The following RAB28 variants were observed in gnomAD, a reference collection of about 807,000 sequenced individuals.
RAB28 encodes RAB28, member RAS oncogene family, also known as ras-related protein Rab-28.
A neutral mutation model predicts 31.7 loss-of-function variants in RAB28; 24 were observed. That is an observed-to-expected ratio of 0.76 (90% confidence interval 0.55 to 1.06). The LOEUF (loss-of-function observed/expected upper bound fraction) is 1.06. Ranked by LOEUF, RAB28 falls within the 50% of genes least tolerant of loss-of-function variation. RAB28 has a pLI of 0.00. For missense variants in RAB28, 254 were observed against 258.5 expected (o/e 0.98, Z 0.12); for synonymous variants, 100 against 90.4 (o/e 1.11, Z -0.60).
At chr4:13,406,656 A>T (rs1712109086) in intron 4 of RAB28, among the ~76,000 whole-genome samples, 2 of 152,314 alleles carry the variant, frequency 1.3e-5, no homozygotes, top group African/African-American at 2.4e-5. Context: ...CATCCTCTCC[A>T]GCATCTGTTG....
intron 4 of RAB28, among the ~76,000 whole-genome samples, chr4:13,443,576 A>G (rs1391138235): frequency 6.6e-6 from 1 of 152,164 alleles, no homozygotes; most frequent in East Asian, 1.9e-4. Context: ...TAAAAATTGT[A>G]TATATTTACC....
At chr4:13,414,275 G>A (rs947519625) in intron 4 of RAB28, among the ~76,000 whole-genome samples, 1 of 152,084 alleles carries the variant, frequency 6.6e-6, no homozygotes, top group African/African-American at 2.4e-5. Flanking sequence ...AGGTTACCAC[G>A]GGAACAGAGC....
At chr4:13,478,191 C>T (rs529681302) in intron 2 of RAB28, among the ~76,000 whole-genome samples, 4 of 151,446 alleles carry the variant, frequency 2.6e-5, no homozygotes, top group Admixed American at 6.6e-5. Context: ...ATAGATTATC[C>T]GTAAGAGTGA....
chr4:13,374,673 T>C (rs190007311), intron 6 of RAB28, among the ~76,000 whole-genome samples: 5 of 152,172 alleles, frequency 3.3e-5, no homozygotes, highest in Non-Finnish European at 5.9e-5. Context: ...CAAGCCCTAT[T>C]GGTTCTTCTT....
intron 4 of RAB28, among the ~76,000 whole-genome samples, chr4:13,458,646 A>C (rs1715431316): frequency 6.6e-6 from 1 of 152,224 alleles, no homozygotes; most frequent in Non-Finnish European, 1.5e-5. Flanking sequence ...TCTATCAACA[A>C]CGGGCTACAT....
intron 4 of RAB28, among the ~76,000 whole-genome samples, chr4:13,429,576 TAAC>T (rs140744822): frequency 6.6e-6 from 1 of 152,138 alleles, no homozygotes; most frequent in Non-Finnish European, 1.5e-5. Context: ...GGAATAAATT[TAAC>T]AAGTGCAAAT....
At chr4:13,431,015 T>C (rs1713778235) in intron 4 of RAB28, among the ~76,000 whole-genome samples, 1 of 152,178 alleles carries the variant, frequency 6.6e-6, no homozygotes, top group Non-Finnish European at 1.5e-5. Context: ...TGCCACAGGC[T>C]AGTGGGCATG....
At chr4:13,446,603 G>T (rs1490704531) in intron 4 of RAB28, among the ~76,000 whole-genome samples, 1 of 152,144 alleles carries the variant, frequency 6.6e-6, no homozygotes, top group African/African-American at 2.4e-5. Context: ...GCTGGGGGAG[G>T]GGGATCCCGG....
intron 4 of RAB28, among the ~76,000 whole-genome samples, chr4:13,417,131 C>T (rs1379541306): frequency 1.3e-5 from 2 of 152,220 alleles, no homozygotes; most frequent in African/African-American, 4.8e-5. Context: ...GCCTTGCTCA[C>T]TAGCAGTGCA....
chr4:13,368,439 G>T lies in RAB28; in HGVS notation c.*119C>A. 1 of 1,314,140 alleles carries T rather than the reference G, an allele frequency of 7.6e-7. No homozygotes were observed. Among genetic ancestry groups the T allele is most frequent in the Non-Finnish European group, 9.7e-7 (1 of 1,028,104 alleles). The allele number at this position is 1,314,140 out of a possible 1,614,324, so 81.4% of individuals were successfully genotyped here. A position where few individuals can be genotyped will look rare whatever the true frequency, so the allele number is the denominator to read the frequency against. On this transcript the variant is annotated 3_prime_UTR_variant, in exon 7 of 7. Coordinates refer to ENST00000330852, the MANE Select transcript of RAB28 (RefSeq NM_001017979.3). ...GCAATAGCAATGATGAAGCAAGTTG[G>T]GAGTAAAGTGTTAACTGAACTACAG...
At chr4:13,409,032 CCTCT>C (rs1412755043) in intron 4 of RAB28, among the ~76,000 whole-genome samples, 6 of 152,138 alleles carry the variant, frequency 3.9e-5, no homozygotes, top group South Asian at 2.1e-4. Flanking sequence ...TATTTTGGGA[CCTCT>C]CTATTTGCTT....
At chr4:13,461,017 A>G (rs979066901) in intron 3 of RAB28, among the ~76,000 whole-genome samples, 189 bp from the exon 4 acceptor site, 9 of 152,266 alleles carry the variant, frequency 5.9e-5, no homozygotes, top group African/African-American at 2.2e-4. Flanking sequence ...CATTCAAGAT[A>G]AATCCAGCAA....
chr4:13,406,968 A>G (rs1244519077), intron 4 of RAB28, among the ~76,000 whole-genome samples: 1 of 152,174 alleles, frequency 6.6e-6, no homozygotes, highest in East Asian at 1.9e-4. Context: ...CTCTGATGAT[A>G]GTTTCTTTTG....
At chr4:13,483,312 G>C (rs1451475493) in intron 1 of RAB28, among the ~76,000 whole-genome samples, 1 of 152,072 alleles carries the variant, frequency 6.6e-6, no homozygotes, top group Non-Finnish European at 1.5e-5. Flanking sequence ...ATTCGAACAG[G>C]GGATCCCTTT....
rs143002492 is a variant in RAB28, at chr4:13,409,612, A to G, written c.392-28018T>C. Among the ~76,000 whole-genome samples the G allele has an allele frequency of 6.2e-4, 95 of 152,318 alleles. No homozygotes were observed. The East Asian group carries it at 0.017, about 28-fold the overall frequency. On this transcript the variant is annotated intron_variant, in intron 4 of 6. Transcript: ENST00000330852. ...CTGGTCCACATGATTTCTCACATCT[A>G]TAAGGTCAGCTAGCAAATCAGTTAC...
At chr4:13,447,907 G>T (rs1021978464) in intron 4 of RAB28, among the ~76,000 whole-genome samples, 1 of 152,066 alleles carries the variant, frequency 6.6e-6, no homozygotes, top group Non-Finnish European at 1.5e-5. Context: ...AAACTGTCTG[G>T]AAATAACCAT....
intron 4 of RAB28, among the ~76,000 whole-genome samples, chr4:13,452,347 C>T (rs1298032084): frequency 6.6e-6 from 1 of 151,696 alleles, no homozygotes; most frequent in African/African-American, 2.4e-5. Context: ...CATTCTATTT[C>T]CTTGAGATTC....
intron 4 of RAB28, among the ~76,000 whole-genome samples, chr4:13,394,377 G>A (rs992040622): frequency 2.6e-5 from 4 of 152,124 alleles, no homozygotes; most frequent in African/African-American, 4.8e-5. Context: ...CCTTGCATGT[G>A]CTGTTCATAA....
intron 4 of RAB28, among the ~76,000 whole-genome samples, chr4:13,420,751 G>A (rs369006629): frequency 2.8e-4 from 43 of 152,246 alleles, no homozygotes; most frequent in East Asian, 2.3e-3. Context: ...TTAATGGAAC[G>A]TATCTCAAAA....
Sources: gnomAD v4.1 joint callset for allele counts (sites outside exome capture counted in the v4.1 genomes callset) on GRCh38, gnomAD v4.1.1 for gene constraint, MANE v1.5 for transcripts, NCBI Gene and HGNC (gene_info 2026-07-23, HGNC 2026-07-21) for gene names.